The following CAMTA1 variants were observed in gnomAD, a reference collection of about 807,000 sequenced individuals.
The protein encoded by CAMTA1 is calmodulin binding transcription activator 1.
In CAMTA1, 27 loss-of-function variants were observed where a neutral mutation model predicts 170.9. The observed-to-expected ratio is 0.16, with a 90% CI of 0.12 to 0.22. CAMTA1 has a LOEUF of 0.22. Ranked by LOEUF, CAMTA1 falls within the 10% of genes least tolerant of loss-of-function variation. The pLI is 1.00. For missense variants in CAMTA1, 1,619 were observed against 2,217.2 expected (o/e 0.73, Z 5.42); for synonymous variants, 833 against 891.5 (o/e 0.93, Z 1.17).
intron 6 of CAMTA1, among the ~76,000 whole-genome samples, chr1:7,539,908 G>A (rs1480149119): frequency 1.3e-5 from 2 of 152,242 alleles, no homozygotes. Flanking sequence ...AGGGGATCAA[G>A]CAGCGCCCTC....
At chr1:7,765,811 G>A (rs2097017592) in intron 22 of CAMTA1, among the ~76,000 whole-genome samples, 1 of 152,104 alleles carries the variant, frequency 6.6e-6, no homozygotes, top group Non-Finnish European at 1.5e-5. Context: ...CGGATCACGA[G>A]GTCAGGAGAT....
intron 6 of CAMTA1, among the ~76,000 whole-genome samples, chr1:7,616,934 A>T (rs2095562807): frequency 6.6e-6 from 1 of 152,242 alleles, no homozygotes; most frequent in African/African-American, 2.4e-5. Flanking sequence ...AAGGCTGTTT[A>T]TTATAAATCT....
At chr1:7,666,299 G>A (rs1467372371) in intron 9 of CAMTA1, among the ~76,000 whole-genome samples, 1 of 152,132 alleles carries the variant, frequency 6.6e-6, no homozygotes, top group Non-Finnish European at 1.5e-5. Context: ...CACAGCTTCT[G>A]AAGAGTCATC....
At chr1:6,849,266 G>C (rs1659493103) in intron 3 of CAMTA1, among the ~76,000 whole-genome samples, 1 of 152,298 alleles carries the variant, frequency 6.6e-6, no homozygotes, top group South Asian at 2.1e-4. Context: ...GTATGGTTGA[G>C]CTTGGAGCAC....
intron 4 of CAMTA1, among the ~76,000 whole-genome samples, chr1:7,239,163 T>C (rs75774478): frequency 0.012 from 1,902 of 152,332 alleles, 36 homozygotes; most frequent in African/African-American, 0.043. Context: ...ATTTCATCAG[T>C]AAATATTTCA....
intron 11 of CAMTA1, among the ~76,000 whole-genome samples, chr1:7,720,178 A>T (rs1411267540): frequency 6.6e-6 from 1 of 152,022 alleles, no homozygotes; most frequent in Admixed American, 6.5e-5. Flanking sequence ...TGTTCTAGAA[A>T]GTGTTCCTTT....
At chr1:7,278,270 G>A (rs530579296) in intron 5 of CAMTA1, among the ~76,000 whole-genome samples, 1 of 152,152 alleles carries the variant, frequency 6.6e-6, no homozygotes, top group East Asian at 1.9e-4. Flanking sequence ...TAGTGTTATT[G>A]ACTTAGTGAT....
intron 6 of CAMTA1, among the ~76,000 whole-genome samples, chr1:7,558,377 G>A (rs735996): frequency 1.3e-5 from 2 of 152,220 alleles, no homozygotes; most frequent in Non-Finnish European, 2.9e-5. Context: ...AGCCCCTCTG[G>A]ATGGGACCCA....
Position 7,014,511 on chromosome 1 carries a change from C to T in CAMTA1, c.235-76793C>T, listed in dbSNP as rs138057118. ...CCCCATTAGACAGGGCATGGTGAGG[C>T]GAATGGCTGCAGGGACTGAGGCCTT... On this transcript the variant is annotated intron_variant, in intron 3 of 22. Coordinates refer to ENST00000303635, the MANE Select transcript of CAMTA1 (RefSeq NM_015215.4). The surrounding 1 kb of genome is among the most constrained non-coding windows in gnomAD (Gnocchi z 4.2). Among the ~76,000 whole-genome samples the T allele has an allele frequency of 0.012, 1,760 of 152,284 alleles. 16 individuals carry two copies. Among genetic ancestry groups the T allele is most frequent in the Middle Eastern group, 0.027 (8 of 294 alleles).
At chr1:7,513,465 CA>C (rs755360936) in intron 6 of CAMTA1, among the ~76,000 whole-genome samples, 99 of 152,130 alleles carry the variant, frequency 6.5e-4, no homozygotes, top group Non-Finnish European at 1.2e-3. Context: ...AGTCCAAGAT[CA>C]AGGGGTCGGT....
chr1:7,242,466 A>G (rs1223756449), intron 4 of CAMTA1, among the ~76,000 whole-genome samples: 1 of 152,186 alleles, frequency 6.6e-6, no homozygotes, highest in African/African-American at 2.4e-5. Context: ...CTCCACTTTC[A>G]GGTTATAGAG....
chr1:7,442,982 A>G lies in CAMTA1; in HGVS notation c.439-24848A>G, dbSNP rs549044511. 5.2e-3 allele frequency among the ~76,000 whole-genome samples: 795 copies of G among 151,788 alleles called. 12 individuals are homozygous for G. The highest frequency in any genetic ancestry group is 0.018 in the African/African-American group (748 of 41,462). The stretch of plus-strand genomic sequence containing the variant: ...GCCACATTCTCTGTTGACCTCCTGG[A>G]CTCAGGATGTCCTTTCCATCCCTGT... On this transcript the variant is annotated intron_variant, in intron 5 of 22. Transcript: ENST00000303635.
chr1:7,655,479 A>AC (rs2095890877), intron 7 of CAMTA1, among the ~76,000 whole-genome samples: 7 of 17,028 alleles, frequency 4.1e-4, no homozygotes, highest in Non-Finnish European at 6.8e-4. Flanking sequence ...CCACCTATAC[A>AC]AACACACACC....
At chr1:6,834,831 C>T (rs1054165571) in intron 3 of CAMTA1, among the ~76,000 whole-genome samples, 8 of 152,092 alleles carry the variant, frequency 5.3e-5, no homozygotes, top group Admixed American at 6.5e-5. Context: ...GATGGAATCT[C>T]GCTCGCCATG....
chr1:7,445,042 G>A (rs1391938805), intron 5 of CAMTA1, among the ~76,000 whole-genome samples: 2 of 151,708 alleles, frequency 1.3e-5, no homozygotes, highest in African/African-American at 2.4e-5. Context: ...TCCCTAGCAC[G>A]GGGTAGGAGG....
intron 4 of CAMTA1, among the ~76,000 whole-genome samples, chr1:7,095,333 A>T (rs1641946662): frequency 6.6e-6 from 1 of 152,126 alleles, no homozygotes; most frequent in African/African-American, 2.4e-5. Context: ...GAGTGTTGTG[A>T]AGGAAGGGAC....
At chr1:7,266,566 C>T (rs1668969408) in intron 5 of CAMTA1, among the ~76,000 whole-genome samples, 1 of 152,220 alleles carries the variant, frequency 6.6e-6, no homozygotes, top group Non-Finnish European at 1.5e-5. Context: ...CCTCTCGAAG[C>T]TCCCAACTTG....
chr1:7,371,596 G>C (rs1019214723), intron 5 of CAMTA1, among the ~76,000 whole-genome samples: 2 of 152,186 alleles, frequency 1.3e-5, no homozygotes, highest in Non-Finnish European at 2.9e-5. Context: ...CTGTATTTCA[G>C]AGTTTCCTGG....
rs1646331697 is a variant in CAMTA1 at position 6,820,243 on chromosome 1, T to C, written c.108T>C (p.Pro36=). The change falls in exon 2 of 23, where the codon CCT becomes CCC. Residue 36 remains proline (P), a synonymous_variant. Coordinates refer to ENST00000303635, the MANE Select transcript of CAMTA1 (RefSeq NM_015215.4). ...STYCVLNTVP[P]IEDDHGNSNS... The stretch of plus-strand genomic sequence containing the variant: ...ACTGTGTTCTCAACACCGTGCCACC[T>C]ATAGAAGGTAGGATTTGAAAAAGCT... 1 of 1,613,918 alleles carries C rather than the reference T, an allele frequency of 6.2e-7. No individual in the cohort carries two copies. The highest frequency in any genetic ancestry group is 1.7e-5 in the Admixed American group (1 of 60,006).
Sources: allele counts gnomAD v4.1 joint callset (sites outside exome capture counted in the v4.1 genomes callset), GRCh38; gene constraint gnomAD v4.1.1; non-coding constraint Gnocchi (gnomAD v3.1); transcripts MANE v1.5; gene names NCBI Gene and HGNC (gene_info 2026-07-23, HGNC 2026-07-21).